The following CDC20B variants were observed in gnomAD, a reference collection of about 807,000 sequenced individuals.
The protein encoded by CDC20B is cell division cycle 20B, also known as cell division cycle protein 20 homolog B.
In CDC20B, 58 loss-of-function variants were observed where a neutral mutation model predicts 64.1. The observed-to-expected ratio is 0.90, with a 90% confidence interval of 0.73 to 1.13. The LOEUF is 1.13. CDC20B is among the 50% of genes most tolerant of loss of function. The pLI is 0.00. For missense variants in CDC20B, 597 were observed against 633.0 expected (o/e 0.94, Z 0.61); for synonymous variants, 243 against 230.6 (o/e 1.05, Z -0.49).
chr5:55,166,863 C>G (rs999716958), intron 2 of CDC20B: 1 of 152,182 alleles, frequency 6.6e-6, no homozygotes, highest in Non-Finnish European at 1.5e-5. Flanking sequence ...ACCCCCATCT[C>G]TACTAAAAAT....
At chr5:55,119,959 G>A in intron 10 of CDC20B, 41 bp from the exon 11 acceptor site, 1 of 1,407,674 alleles carries the variant, frequency 7.1e-7, no homozygotes, top group Non-Finnish European at 1.0e-6. Flanking sequence ...TGCAATTTCT[G>A]ATTCCTTATG....
intron 3 of CDC20B, among the ~76,000 whole-genome samples, chr5:55,143,900 G>A (rs752722569): frequency 6.6e-6 from 1 of 151,694 alleles, no homozygotes; most frequent in Non-Finnish European, 1.5e-5. Context: ...TGAGAAAGCT[G>A]TCTCAGTGGC....
chr5:55,141,473 T>C (rs1743327080), intron 4 of CDC20B, among the ~76,000 whole-genome samples: 1 of 152,216 alleles, frequency 6.6e-6, no homozygotes. Flanking sequence ...CCCGGTGTTA[T>C]AACTATAGTG....
At chr5:55,147,591 T>C (rs1743532334) in intron 2 of CDC20B, among the ~76,000 whole-genome samples, 1 of 150,494 alleles carries the variant, frequency 6.6e-6, no homozygotes, top group Non-Finnish European at 1.5e-5. Flanking sequence ...TTTTTTTATG[T>C]TTATATGTGA....
chr5:55,156,781 G>A (rs1008224411), intron 2 of CDC20B, among the ~76,000 whole-genome samples: 8 of 152,136 alleles, frequency 5.3e-5, no homozygotes, highest in South Asian at 4.1e-4. Context: ...GGCTGAGGCC[G>A]GAGAATCACT....
intron 6 of CDC20B, among the ~76,000 whole-genome samples, chr5:55,130,585 T>C (rs151307348): frequency 6.6e-6 from 1 of 152,074 alleles, no homozygotes; most frequent in African/African-American, 2.4e-5. Context: ...AACTGGAAGA[T>C]GGAAAATCTA....
In CDC20B at chr5:55,155,273, T is replaced by G. The variant is rs1743777916; in HGVS notation, c.127-8417A>C. On this transcript the variant is annotated intron_variant, in intron 2 of 11. Coordinates refer to ENST00000381375, the MANE Select transcript of CDC20B (RefSeq NM_001170402.1). ...AGGGGTTAAAAATAAGGTCAGGAAG[T>G]AGCAGAATGAAACAACTGAGAAAAT... Among the ~76,000 whole-genome samples, 3 of 152,266 alleles carry G rather than the reference T, an allele frequency of 2.0e-5. No individual in the cohort carries two copies. The South Asian group carries it at 6.2e-4, about 32-fold the overall frequency.
chr5:55,128,036 G>T (rs946553935), intron 7 of CDC20B, among the ~76,000 whole-genome samples: 9 of 151,940 alleles, frequency 5.9e-5, no homozygotes, highest in East Asian at 5.8e-4. Flanking sequence ...ATCTCAAGGA[G>T]CCTATCAGAA....
chr5:55,170,567 G>A (rs751356503), intron 2 of CDC20B: 8 of 534,658 alleles, frequency 1.5e-5, no homozygotes, highest in East Asian at 5.4e-5. Context: ...CATGTTAGCC[G>A]ATGCCATTCA....
rs149429121 is a variant in CDC20B at position 55,115,866 on chromosome 5, G to A, written c.1460-1548C>T. Among the ~76,000 whole-genome samples, 23 of 152,174 alleles carry A rather than the reference G, an allele frequency of 1.5e-4. No individual in the cohort carries two copies. The East Asian group carries it at 4.4e-3, about 29-fold the overall frequency. ...AACACTCTCCTTTGTGCCTGTCCAC[G>A]TGCATGCGCAAGCACACACACACAC... is the stretch of plus-strand genomic sequence containing the variant. On this transcript the variant is annotated intron_variant, in intron 11 of 11. Transcript: ENST00000381375.
chr5:55,156,999 G>T (rs1301392714), intron 2 of CDC20B, among the ~76,000 whole-genome samples: 1 of 152,150 alleles, frequency 6.6e-6, no homozygotes, highest in Non-Finnish European at 1.5e-5. Context: ...GTTGCATGAG[G>T]CTGGCTCCTT....
At chr5:55,119,251 C>T (rs188935179) in intron 11 of CDC20B, among the ~76,000 whole-genome samples, 242 of 152,264 alleles carry the variant, frequency 1.6e-3, no homozygotes, top group Non-Finnish European at 1.5e-3. Flanking sequence ...CTTTAACATT[C>T]TAGATGCACA....
intron 11 of CDC20B, among the ~76,000 whole-genome samples, chr5:55,117,341 T>G (rs959369826): frequency 6.6e-6 from 1 of 152,184 alleles, no homozygotes; most frequent in South Asian, 2.1e-4. Flanking sequence ...TGTTCCAAAC[T>G]TTGTGACCAC....
intron 11 of CDC20B, among the ~76,000 whole-genome samples, chr5:55,115,572 AG>A: frequency 6.6e-6 from 1 of 152,212 alleles, no homozygotes; most frequent in South Asian, 2.1e-4. Flanking sequence ...ACTCTATGAA[AG>A]GAGCCTGAGG....
intron 2 of CDC20B, among the ~76,000 whole-genome samples, chr5:55,151,775 T>C (rs1168089198): frequency 6.6e-6 from 1 of 152,170 alleles, no homozygotes; most frequent in African/African-American, 2.4e-5. Flanking sequence ...AGCCATCAAC[T>C]CCTTCAGGAA....
chr5:55,149,086 C>T (rs1406254820), intron 2 of CDC20B, among the ~76,000 whole-genome samples: 2 of 152,208 alleles, frequency 1.3e-5, no homozygotes, highest in East Asian at 1.9e-4. Context: ...GGCAAACTAA[C>T]AGGACATCTC....
chr5:55,123,635 C>T (rs1283367944), intron 9 of CDC20B, among the ~76,000 whole-genome samples: 1 of 152,170 alleles, frequency 6.6e-6, no homozygotes, highest in Non-Finnish European at 1.5e-5. Flanking sequence ...GAGACTCTCT[C>T]TTAGTGAAAA....
At chr5:55,156,540 G>T (rs1421358684) in intron 2 of CDC20B, among the ~76,000 whole-genome samples, 1 of 152,136 alleles carries the variant, frequency 6.6e-6, no homozygotes, top group East Asian at 1.9e-4. Context: ...AAGGTAATGT[G>T]TCTACTAAAG....
intron 2 of CDC20B, chr5:55,160,962 T>G (rs769667429): frequency 1.9e-5 from 30 of 1,583,192 alleles, no homozygotes. Flanking sequence ...TTTGCTTCAC[T>G]TTCCGGTTGG....
Sources: allele counts gnomAD v4.1 joint callset (sites outside exome capture counted in the v4.1 genomes callset), GRCh38; gene constraint gnomAD v4.1.1; transcripts MANE v1.5; gene names NCBI Gene and HGNC (gene_info 2026-07-23, HGNC 2026-07-21).